YJEFN3: variants seen among roughly 807,000 people sequenced by gnomAD.
YJEFN3 encodes the protein YjeF N-terminal domain containing 3, also known as yjeF N-terminal domain-containing protein 3.
Under a neutral mutation model 31.5 loss-of-function variants are expected in YJEFN3, and 29 were observed. The ratio of observed to expected loss-of-function variants is 0.92; its 90% CI spans 0.69 to 1.26. The LOEUF is 1.26. Ranked by LOEUF, YJEFN3 falls within the 50% of genes most tolerant of loss-of-function variation. The probability of loss-of-function intolerance (pLI) is 0.00; values close to 1 mark genes in which losing one functional copy is unlikely to be tolerated. For missense variants in YJEFN3, 442 were observed against 425.4 expected (o/e 1.04, Z -0.34); for synonymous variants, 227 against 196.1 (o/e 1.16, Z -1.32).
chr19:19,535,861 C>T, intron 6 of YJEFN3, 182 bp downstream of exon 6: 2 of 782,032 alleles, frequency 2.6e-6, no homozygotes, highest in Non-Finnish European at 4.2e-6. Context: ...GGCTGCCACC[C>T]CAGGTGACCC....
In YJEFN3 at chr19:19,535,340, T is replaced by C; in HGVS notation, c.433T>C (p.Tyr145His). The C allele has an allele frequency of 6.2e-7, 1 of 1,612,948 alleles. No individual in the cohort carries two copies. The highest frequency in any genetic ancestry group is 8.5e-7 in the Non-Finnish European group (1 of 1,179,696). Residue 145 changes from tyrosine to histidine, a missense_variant, in exon 5 of 7, where the codon TAT becomes CAT. By Grantham distance (83) the Tyr-to-His change is moderately conservative. Coordinates refer to ENST00000514277, the MANE Select transcript of YJEFN3 (RefSeq NM_198537.4). ...CCCCCTCTTCTCCCACCCCCAGGAG[T>C]ATGAACCCACCATCTTCTACCCCAC... The part of the protein sequence containing the change: ...VCARHLRVFE[Y>H]EPTIFYPTRS...
intron 6 of YJEFN3, 74 bp downstream of exon 6, chr19:19,535,753 C>T (rs1341639845): frequency 3.3e-6 from 5 of 1,516,170 alleles, no homozygotes; most frequent in Non-Finnish European, 4.4e-6. Context: ...AGCTCCTGGT[C>T]GCCCCTGCCT....
chr19:19,535,861 C>G (rs2061204870), intron 6 of YJEFN3, 182 bp downstream of exon 6: 1 of 782,032 alleles, frequency 1.3e-6, no homozygotes, highest in Admixed American at 2.2e-5. Flanking sequence ...GGCTGCCACC[C>G]CAGGTGACCC....
rs201804837 is a variant in YJEFN3, at chr19:19,529,462, G to A, written c.158G>A (p.Gly53Glu). 235 of 1,614,206 alleles carry A rather than the reference G, an allele frequency of 1.5e-4. No homozygotes were observed. The African/African-American group carries it at 2.6e-3, about 18-fold the overall frequency. The change falls in exon 2 of 7, where the codon GGA becomes GAA. Residue 53 changes from glycine (G) to glutamate (E), a missense_variant. Physicochemically the swap from Gly to Glu is moderately conservative, Grantham distance 98. Transcript: ENST00000514277. ...GTCCAGAGGAGGAAACAGGCCTGGG[G>A]AAGGCAGTCATGGCTAGAGCAGATT... ...SLVQRRKQAW[G>E]RQSWLEQIWN...
rs374639181 is a variant in YJEFN3, at chr19:19,532,721, G to C, written c.299G>C (p.Ser100Thr). 2.5e-6 allele frequency: 4 copies of C among 1,572,402 alleles called. No homozygotes were observed. The highest frequency in any genetic ancestry group is 3.4e-6 in the Non-Finnish European group (4 of 1,164,872). Residue 100 changes from serine to threonine, a missense_variant, in exon 3 of 7, where the codon AGT becomes ACT. Ser to Thr is a moderately conservative substitution (Grantham distance 58). Transcript: ENST00000514277. ...CTCGTGGAGCTGTGCGGTCATGCTA[G>C]TGCCGTGGCTGTGACCAAGGTACCT... ...QQLVELCGHA[S>T]AVAVTKAFPL...
At position 19,534,715 on chromosome 19, in the gene YJEFN3, C is replaced by T. The variant is rs765633116; in HGVS notation, c.319-319C>T. The T allele has an allele frequency of 5.9e-5, 13 of 220,054 alleles. No individual in the cohort carries two copies. Among genetic ancestry groups the T allele is most frequent in the South Asian group, 1.5e-4 (1 of 6,604 alleles). The allele number at this position is 220,054 out of a possible 1,614,324, so 13.6% of individuals were successfully genotyped here. ...CTGGAAACATGGGCGGGGGTGGGCC[C>T]GCGGTGAGAAAGGTGGAAGAATGTC... On this transcript the variant is annotated intron_variant, in intron 3 of 6. Transcript: ENST00000514277. The surrounding 1 kb of genome is among the most constrained non-coding windows in gnomAD (Gnocchi z 4.6).
chr19:19,535,163 T>C lies in YJEFN3; in HGVS notation c.429+19T>C. The C allele has an allele frequency of 6.3e-7, 1 of 1,581,586 alleles. No homozygotes were observed. On this transcript the variant is annotated intron_variant, in intron 4 of 6. Transcript: ENST00000514277. ...GGTGTTTGTAAGTAGCAAGGACCCCTTCGACCTCCCAAAGTCCCTGCCCCT... is the reference window on the plus strand; with the variant it reads ...GGTGTTTGTAAGTAGCAAGGACCCCCTCGACCTCCCAAAGTCCCTGCCCCT...
intron 1 of YJEFN3, 170 bp downstream of exon 1, chr19:19,529,161 C>T (rs2144651354): frequency 3.4e-6 from 5 of 1,456,510 alleles, no homozygotes; most frequent in South Asian, 1.5e-5. Flanking sequence ...GGTGGGGAAC[C>T]GGAGGCAGGG....
rs1310895786 is a variant in YJEFN3 at position 19,535,104 on chromosome 19, G to C, written c.389G>C (p.Gly130Ala). ...GTCGTGTGTGGCCCGGAGCAGAACG[G>C]GGCAGTGGGGCTGGTCTGTGCCCGG... ...VLVVCGPEQN[G>A]AVGLVCARHL... The change falls in exon 4 of 7, where the codon GGG becomes GCG. Residue 130 changes from glycine to alanine, a missense_variant. Transcript: ENST00000514277. 1 of 1,611,870 alleles carries C rather than the reference G, an allele frequency of 6.2e-7. No homozygotes were observed. The highest frequency in any genetic ancestry group is 1.7e-5 in the Admixed American group (1 of 59,688).
At position 19,535,390 on chromosome 19, in the gene YJEFN3, G is replaced by C; in HGVS notation, c.483G>C (p.Arg161=). The part of the protein sequence containing the change: ...YPTRSLDLLH[R]DLTTQCEKMD... ...CACGCTCGCTGGACCTGCTGCATCG[G>C]GACCTGACCACCCAGTGCGAGAAGA... Residue 161 remains arginine, a synonymous_variant, in exon 5 of 7, where the codon CGG becomes CGC. Transcript: ENST00000514277. The C allele has an allele frequency of 2.5e-6, 4 of 1,614,000 alleles. No individual in the cohort carries two copies. Among genetic ancestry groups the C allele is most frequent in the Non-Finnish European group, 2.5e-6 (3 of 1,179,992 alleles).
chr19:19,529,023 C>T (rs1185966639), intron 1 of YJEFN3, 32 bp downstream of exon 1: 1 of 1,549,240 alleles, frequency 6.5e-7, no homozygotes, highest in Non-Finnish European at 8.7e-7. Flanking sequence ...TGGAGACGGG[C>T]ATGGTTCCCA....
At chr19:19,533,884 G>A (rs1412477551) in intron 3 of YJEFN3, 2 of 985,436 alleles carry the variant, frequency 2.0e-6, no homozygotes, top group African/African-American at 3.5e-5. Flanking sequence ...CTCAGTCCCA[G>A]TCTTGGGTCT....
intron 3 of YJEFN3, chr19:19,533,274 C>G (rs1334438674): frequency 1.0e-6 from 1 of 986,020 alleles, no homozygotes; most frequent in Non-Finnish European, 1.2e-6. Context: ...AGTGCTTCAC[C>G]GTGCAGCCAG....
chr19:19,530,333 G>A (rs977228708), intron 2 of YJEFN3, among the ~76,000 whole-genome samples: 7 of 152,042 alleles, frequency 4.6e-5, no homozygotes, highest in Non-Finnish European at 7.4e-5. Flanking sequence ...GACCTGCCCT[G>A]CCTGCCACCC....
rs1320884373 is a variant in YJEFN3 at position 19,529,476 on chromosome 19, C to G, written c.172C>G (p.Leu58Val). The change falls in exon 2 of 7, where the codon CTA (leucine) becomes GTA (valine). Residue 58 changes from leucine to valine, a missense_variant. By Grantham distance (32) the Leu-to-Val change is conservative (BLOSUM62 1). Coordinates refer to ENST00000514277, the MANE Select transcript of YJEFN3 (RefSeq NM_198537.4). ...ACAGGCCTGGGGAAGGCAGTCATGGCTAGAGCAGATTTGGAACGCAGGGCC... is the reference window on the plus strand; with the variant it reads ...ACAGGCCTGGGGAAGGCAGTCATGGGTAGAGCAGATTTGGAACGCAGGGCC... ...RKQAWGRQSW[L>V]EQIWNAGPVC... 6.2e-7 allele frequency: 1 copy of G among 1,614,064 alleles called. No homozygotes were observed.
Position 19,532,626 on chromosome 19 carries a change from C to T in YJEFN3, c.210-6C>T, listed in dbSNP as rs1183933264. The T allele has an allele frequency of 5.8e-6, 9 of 1,539,120 alleles. No individual in the cohort carries two copies. Among genetic ancestry groups the T allele is most frequent in the Non-Finnish European group, 7.9e-6 (9 of 1,146,488 alleles). Reference sequence around the variant, plus strand: ...CTCTGAGTGTCCCATCCCACTCTGTCCCCAGCACCGCGGAGGCAGCCGCCC... The same window carrying T: ...CTCTGAGTGTCCCATCCCACTCTGTTCCCAGCACCGCGGAGGCAGCCGCCC... On this transcript the variant is annotated splice_polypyrimidine_tract_variant and splice_region_variant and intron_variant, in intron 2 of 6. Transcript: ENST00000514277.
In YJEFN3 at chr19:19,532,698, C is replaced by T. The variant is rs771716830; in HGVS notation, c.276C>T (p.Leu92=). ...ATTATCGCTTTGGGCGGCAGCAGCT[C>T]GTGGAGCTGTGCGGTCATGCTAGTG... ...LEDYRFGRQQ[L]VELCGHASAV... Residue 92 remains leucine (L), a synonymous_variant, in exon 3 of 7, where the codon CTC becomes CTT. Transcript: ENST00000514277. 5.1e-6 allele frequency: 8 copies of T among 1,576,418 alleles called. No homozygotes were observed. The highest frequency in any genetic ancestry group is 6.9e-6 in the Non-Finnish European group (8 of 1,167,260).
intron 1 of YJEFN3, 68 bp downstream of exon 1, chr19:19,529,059 C>A: frequency 1.3e-6 from 2 of 1,538,494 alleles, no homozygotes; most frequent in Non-Finnish European, 1.8e-6. Context: ...CCCGTAGGAC[C>A]GGAGGCAGGG....
Position 19,532,681 on chromosome 19 carries a change from T to A in YJEFN3, c.259T>A (p.Phe87Ile). 1 of 1,576,528 alleles carries A rather than the reference T, an allele frequency of 6.3e-7. No homozygotes were observed. The highest frequency in any genetic ancestry group is 1.3e-5 in the African/African-American group (1 of 74,278). The change falls in exon 3 of 7, where the codon TTT (phenylalanine) becomes ATT (isoleucine). Residue 87 changes from phenylalanine (F) to isoleucine (I), a missense_variant. By Grantham distance (21) the Phe-to-Ile change is conservative (BLOSUM62 0). Transcript: ENST00000514277. ...LERELLEDYRFGRQQLVELCG... is the reference protein window; with the variant it reads ...LERELLEDYRIGRQQLVELCG... Reference sequence around the variant, plus strand: ...GCGGGAGCTGCTGGAGGATTATCGCTTTGGGCGGCAGCAGCTCGTGGAGCT... The same window carrying A: ...GCGGGAGCTGCTGGAGGATTATCGCATTGGGCGGCAGCAGCTCGTGGAGCT...
Sources: allele counts gnomAD v4.1 joint callset (sites outside exome capture counted in the v4.1 genomes callset), GRCh38; gene constraint gnomAD v4.1.1; non-coding constraint Gnocchi (gnomAD v3.1); transcripts MANE v1.5; gene names NCBI Gene and HGNC (gene_info 2026-07-23, HGNC 2026-07-21).